The following MICU1 variants were observed in gnomAD, a reference collection of about 807,000 sequenced individuals.
The protein encoded by MICU1 is calcium uptake protein 1, mitochondrial.
A neutral mutation model predicts 56.8 loss-of-function variants in MICU1; 45 were observed. The ratio of observed to expected loss-of-function variants is 0.79; its 90% CI spans 0.62 to 1.02. The LOEUF is 1.02. MICU1 is among the 50% of genes least tolerant of loss of function. The pLI is 0.00. For synonymous variants in MICU1, 186 were observed against 195.1 expected, an observed-to-expected ratio of 0.95 and a Z score of 0.39; for missense variants, 504 against 587.1, an observed-to-expected ratio of 0.86 and a Z score of 1.46.
intron 4 of MICU1, among the ~76,000 whole-genome samples, chr10:72,541,666 T>C (rs1044059128): frequency 4.6e-5 from 7 of 152,158 alleles, no homozygotes; most frequent in African/African-American, 1.7e-4. Context: ...TCTCAGTCCT[T>C]AGGGAGGCTG....
rs538269153 is a variant in MICU1, at chr10:72,512,703, G to C, written c.538-4434C>G. Among the ~76,000 whole-genome samples the C allele has an allele frequency of 2.6e-5, 4 of 151,862 alleles. No individual in the cohort carries two copies. In the East Asian group the frequency reaches 7.7e-4, roughly 29 times the overall value. On this transcript the variant is annotated intron_variant, in intron 5 of 11. Transcript: ENST00000361114. ...TTTGGTTTTTGTTTTGTTTTGTTTT[G>C]TTTTGTTTTGTTTTGAGACAGTGTC...
chr10:72,419,553 T>C (rs1203626331), intron 9 of MICU1, among the ~76,000 whole-genome samples: 1 of 152,234 alleles, frequency 6.6e-6, no homozygotes, highest in African/African-American at 2.4e-5. Context: ...GGAAAAAGTC[T>C]GGCTGATAAG....
intron 6 of MICU1, among the ~76,000 whole-genome samples, chr10:72,488,262 T>A (rs1220532265): frequency 6.6e-6 from 1 of 151,874 alleles, no homozygotes; most frequent in East Asian, 1.9e-4. Flanking sequence ...GTATATCTTT[T>A]TATTAAAAAG....
intron 6 of MICU1, among the ~76,000 whole-genome samples, chr10:72,488,083 C>T (rs1866532077): frequency 6.6e-6 from 1 of 151,608 alleles, no homozygotes. Flanking sequence ...GTAATCCCAG[C>T]TACTCGGGAG....
At chr10:72,594,769 G>T (rs967579524) in intron 1 of MICU1, among the ~76,000 whole-genome samples, 1 of 151,710 alleles carries the variant, frequency 6.6e-6, no homozygotes, top group Admixed American at 6.6e-5. Context: ...TTAATTAGCT[G>T]GACATGATGG....
At chr10:72,497,887 G>A (rs887166086) in intron 6 of MICU1, among the ~76,000 whole-genome samples, 1 of 152,142 alleles carries the variant, frequency 6.6e-6, no homozygotes, top group Non-Finnish European at 1.5e-5. Context: ...ATTACCACTA[G>A]CTAAATACAA....
At chr10:72,498,421 A>C (rs1377637599) in intron 6 of MICU1, among the ~76,000 whole-genome samples, 4 of 152,130 alleles carry the variant, frequency 2.6e-5, no homozygotes, top group Non-Finnish European at 5.9e-5. Context: ...CCCCGTCTCT[A>C]TTAAAAGTAC....
At chr10:72,500,235 TA>T (rs1866977209) in intron 6 of MICU1, among the ~76,000 whole-genome samples, 1 of 136,150 alleles carries the variant, frequency 7.3e-6, no homozygotes, top group Non-Finnish European at 1.5e-5. Flanking sequence ...TGCTTAATGA[TA>T]AACTATTATA....
intron 8 of MICU1, among the ~76,000 whole-genome samples, chr10:72,465,309 G>GTTTTTTTT (rs58604429): frequency 5.7e-5 from 7 of 121,924 alleles, no homozygotes; most frequent in Non-Finnish European, 9.9e-5. Context: ...ATAGTTTTTT[G>GTTTTTTTT]TTTTTTTTTT....
At position 72,477,182 on chromosome 10, in the gene MICU1, AT is replaced by A; in HGVS notation, c.726del (p.Glu242AspfsTer46). The A allele has an allele frequency of 6.5e-7, 1 of 1,544,364 alleles. No homozygotes were observed. The highest frequency in any genetic ancestry group is 8.7e-7 in the Non-Finnish European group (1 of 1,145,100). On this transcript the variant is annotated frameshift_variant, in exon 7 of 12. Transcript: ENST00000361114. LOFTEE classifies it high-confidence loss of function. ...LNGDGEVDME[E>X]FEQVQSIIRS... ...TCTCCAGGACAACTTGCCTGTTCAA[AT>A]TCTTCCATATCTACTTCTCCATCTC...
At chr10:72,447,799 G>A (rs1589229156) in intron 8 of MICU1, among the ~76,000 whole-genome samples, 1 of 152,098 alleles carries the variant, frequency 6.6e-6, no homozygotes, top group African/African-American at 2.4e-5. Context: ...AGGAACAGAG[G>A]TCTATTATAT....
chr10:72,499,443 T>G lies in MICU1; in HGVS notation c.652+8712A>C, dbSNP rs1292485364. On this transcript the variant is annotated intron_variant, in intron 6 of 11. Transcript: ENST00000361114. ...CAATGAATTAACCACAAAAACAGGTTATGCCAGAAAAGGAAGTTATTGGTA... is the reference window on the plus strand; with the variant it reads ...CAATGAATTAACCACAAAAACAGGTGATGCCAGAAAAGGAAGTTATTGGTA... Among the ~76,000 whole-genome samples the G allele has an allele frequency of 2.0e-5, 3 of 152,194 alleles. No homozygotes were observed. In the East Asian group the frequency reaches 5.8e-4, roughly 29 times the overall value.
In MICU1 at chr10:72,372,020, C is replaced by T. The variant is rs149886232; in HGVS notation, c.1271-3665G>A. On this transcript the variant is annotated intron_variant, in intron 11 of 11. Transcript: ENST00000361114. Reference sequence around the variant, plus strand: ...GCAGTGAGCCAACATTATGCCCCCGCACTCCAGCCTGGGCAACAGAGCAAG... The same window carrying T: ...GCAGTGAGCCAACATTATGCCCCCGTACTCCAGCCTGGGCAACAGAGCAAG... 3.2e-3 allele frequency among the ~76,000 whole-genome samples: 484 copies of T among 150,566 alleles called. 2 individuals are homozygous for T. Among genetic ancestry groups the T allele is most frequent in the African/African-American group, 0.011 (456 of 40,904 alleles).
intron 1 of MICU1, among the ~76,000 whole-genome samples, chr10:72,620,261 T>C (rs1452733199): frequency 1.3e-5 from 2 of 152,296 alleles, no homozygotes; most frequent in African/African-American, 4.8e-5. Context: ...CTTGGCTCAC[T>C]GCAACCTCCG....
intron 4 of MICU1, among the ~76,000 whole-genome samples, chr10:72,547,501 T>C (rs950984799): frequency 6.7e-6 from 1 of 149,348 alleles, no homozygotes; most frequent in African/African-American, 2.5e-5. Flanking sequence ...TCACTATCAA[T>C]CAATACATGT....
intron 8 of MICU1, among the ~76,000 whole-genome samples, chr10:72,463,409 G>A (rs1865697629): frequency 6.6e-6 from 1 of 152,174 alleles, no homozygotes; most frequent in South Asian, 2.1e-4. Flanking sequence ...AAGTGATAAT[G>A]CCTTTAAAAA....
At chr10:72,603,221 T>C (rs1417702970) in intron 1 of MICU1, among the ~76,000 whole-genome samples, 1 of 149,854 alleles carries the variant, frequency 6.7e-6, no homozygotes, top group Non-Finnish European at 1.5e-5. Flanking sequence ...ACCCCATCTC[T>C]ACTGAAAACA....
chr10:72,390,107 T>G (rs140521038), intron 10 of MICU1, among the ~76,000 whole-genome samples: 122 of 152,258 alleles, frequency 8.0e-4, no homozygotes, highest in African/African-American at 2.8e-3. Flanking sequence ...TACTCTCACA[T>G]GGGTCATGCA....
intron 5 of MICU1, among the ~76,000 whole-genome samples, chr10:72,529,961 T>C (rs1839427450): frequency 6.8e-6 from 1 of 147,702 alleles, no homozygotes; most frequent in South Asian, 2.1e-4. Flanking sequence ...TTTTTTTTTT[T>C]TTTTTTTTCT....
Sources: gnomAD v4.1 joint callset for allele counts (sites outside exome capture counted in the v4.1 genomes callset) on GRCh38, gnomAD v4.1.1 for gene constraint, MANE v1.5 for transcripts, NCBI Gene and HGNC (gene_info 2026-07-23, HGNC 2026-07-21) for gene names.